SYN3: variants seen among roughly 807,000 people sequenced by gnomAD.
SYN3 encodes synapsin-3.
SYN3 carries 35 observed loss-of-function variants against 65.8 expected under a neutral mutation model. That is an observed-to-expected ratio of 0.53 (90% CI 0.41 to 0.70). The LOEUF (loss-of-function observed/expected upper bound fraction) is 0.70, where lower values mean the gene tolerates loss of function less well. Ranked by LOEUF, SYN3 falls within the 30% of genes least tolerant of loss-of-function variation. SYN3 has a pLI of 0.00. For missense variants in SYN3, 680 were observed against 749.0 expected (o/e 0.91, Z 1.08); for synonymous variants, 270 against 292.9 (o/e 0.92, Z 0.80).
chr22:33,036,618 C>G lies in SYN3; in HGVS notation c.-163+21674G>C, dbSNP rs368576194. On this transcript the variant is annotated intron_variant, in intron 1 of 13. Coordinates refer to ENST00000358763, the MANE Select transcript of SYN3 (RefSeq NM_003490.4). ...TTTGCTGCCCTGGAAATTCAAAATC[C>G]TTTTCTTTGTCTTGTCCCTTGTCTA... Among the ~76,000 whole-genome samples, 12 of 151,008 alleles carry G rather than the reference C, an allele frequency of 7.9e-5. 1 individual carries two copies. The East Asian group carries it at 1.7e-3, about 22-fold the overall frequency.
intron 6 of SYN3, among the ~76,000 whole-genome samples, chr22:32,695,597 T>A (rs755378763): frequency 6.6e-6 from 1 of 152,222 alleles, no homozygotes; most frequent in South Asian, 2.1e-4. Flanking sequence ...TCATGGGTCC[T>A]CTGACTGGCC....
At chr22:32,596,338 G>C (rs1268583771) in intron 7 of SYN3, among the ~76,000 whole-genome samples, 1 of 152,206 alleles carries the variant, frequency 6.6e-6, no homozygotes, top group Non-Finnish European at 1.5e-5. Flanking sequence ...TTACAACATG[G>C]CTGTGGAGAT....
chr22:33,031,763 A>G (rs1348478778), intron 1 of SYN3, among the ~76,000 whole-genome samples: 1 of 152,092 alleles, frequency 6.6e-6, no homozygotes, highest in Non-Finnish European at 1.5e-5. Context: ...TAAGCCCCCA[A>G]GCAACTGGCT....
At chr22:32,593,728 AGAGCCT>A (rs2059158916) in intron 7 of SYN3, among the ~76,000 whole-genome samples, 2 of 152,268 alleles carry the variant, frequency 1.3e-5, no homozygotes, top group South Asian at 4.2e-4. Flanking sequence ...ACTGGATATA[AGAGCCT>A]GATGCTCTGG....
rs371948413 is a variant in SYN3 at position 32,755,711 on chromosome 22, C to A, written c.711+109204G>T. Among the ~76,000 whole-genome samples the A allele has an allele frequency of 1.9e-4, 29 of 152,304 alleles. 1 individual carries two copies. In the South Asian group the frequency reaches 5.8e-3, roughly 30 times the overall value. ...CACTTTGTCATTCTGTTGTGGGCAA[C>A]CTTCATCTACCATGGTGGCCCCAGC... On this transcript the variant is annotated intron_variant, in intron 6 of 13. Coordinates refer to ENST00000358763, the MANE Select transcript of SYN3 (RefSeq NM_003490.4).
At chr22:32,564,295 C>T (rs956346913) in intron 7 of SYN3, among the ~76,000 whole-genome samples, 3 of 152,098 alleles carry the variant, frequency 2.0e-5, no homozygotes, top group East Asian at 1.9e-4. Flanking sequence ...GAAGAGGCCC[C>T]GGGAGGGTTG....
intron 6 of SYN3, among the ~76,000 whole-genome samples, chr22:32,642,861 C>T (rs2059922996): frequency 6.6e-6 from 1 of 151,928 alleles, no homozygotes; most frequent in Admixed American, 6.6e-5. Context: ...TTGGCCCTAT[C>T]CCAAACTTTT....
chr22:32,579,696 T>A (rs771250363), intron 7 of SYN3, among the ~76,000 whole-genome samples: 8 of 152,136 alleles, frequency 5.3e-5, no homozygotes, highest in Non-Finnish European at 8.8e-5. Context: ...CTCAAAGGTG[T>A]CCTTGCCCCA....
chr22:32,896,155 A>T (rs2049588014), intron 4 of SYN3, among the ~76,000 whole-genome samples: 1 of 152,194 alleles, frequency 6.6e-6, no homozygotes, highest in African/African-American at 2.4e-5. Flanking sequence ...ATAATTGAAA[A>T]CAGAATCATT....
rs779360049 is a variant in SYN3, at chr22:32,798,872, T to C, written c.711+66043A>G. ...ACACCTGGCTAATTTTTTGTGTTGTTAGTACAGACGGGGTTTCACCATGTT... is the reference window on the plus strand; with the variant it reads ...ACACCTGGCTAATTTTTTGTGTTGTCAGTACAGACGGGGTTTCACCATGTT... On this transcript the variant is annotated intron_variant, in intron 6 of 13. Transcript: ENST00000358763. 5.2e-4 allele frequency among the ~76,000 whole-genome samples: 79 copies of C among 152,012 alleles called. 1 individual carries two copies. Among genetic ancestry groups the C allele is most frequent in the Non-Finnish European group, 5.6e-4 (38 of 67,950 alleles).
intron 4 of SYN3, among the ~76,000 whole-genome samples, chr22:32,884,792 G>A (rs2049244786): frequency 6.6e-6 from 1 of 152,192 alleles, no homozygotes; most frequent in Admixed American, 6.5e-5. Context: ...CAGGAGAATA[G>A]CTTGAACCAG....
intron 6 of SYN3, among the ~76,000 whole-genome samples, chr22:32,747,244 A>T (rs2044963033): frequency 6.6e-6 from 1 of 152,094 alleles, no homozygotes; most frequent in African/African-American, 2.4e-5. Flanking sequence ...GAAGTCACAC[A>T]GCCAGATTTG....
At chr22:32,550,400 T>A (rs1307361175) in intron 7 of SYN3, among the ~76,000 whole-genome samples, 1 of 151,108 alleles carries the variant, frequency 6.6e-6, no homozygotes, top group Non-Finnish European at 1.5e-5. Context: ...ACAGTAACTA[T>A]ATATCCCTAG....
intron 7 of SYN3, among the ~76,000 whole-genome samples, chr22:32,543,177 C>A (rs1038995465): frequency 1.3e-5 from 2 of 152,190 alleles, no homozygotes; most frequent in African/African-American, 4.8e-5. Flanking sequence ...TTTCCACCAG[C>A]GTTGATGCTT....
At chr22:32,688,131 C>T (rs2060615916) in intron 6 of SYN3, among the ~76,000 whole-genome samples, 5 of 152,292 alleles carry the variant, frequency 3.3e-5, no homozygotes, top group South Asian at 4.1e-4. Flanking sequence ...GCTGAGTAAA[C>T]GCTTACGTCT....
intron 6 of SYN3, among the ~76,000 whole-genome samples, chr22:32,694,499 C>A (rs541770428): frequency 6.6e-6 from 1 of 152,318 alleles, no homozygotes; most frequent in South Asian, 2.1e-4. Context: ...TGGAACAACA[C>A]AGGGTTGAAC....
At chr22:32,542,902 C>T (rs901993459) in intron 7 of SYN3, among the ~76,000 whole-genome samples, 1 of 152,066 alleles carries the variant, frequency 6.6e-6, no homozygotes, top group Non-Finnish European at 1.5e-5. Context: ...CTCCCTCCCA[C>T]TGGCCACGGG....
intron 4 of SYN3, among the ~76,000 whole-genome samples, chr22:32,876,501 A>C (rs1309272576): frequency 1.3e-5 from 2 of 152,050 alleles, no homozygotes; most frequent in Non-Finnish European, 2.9e-5. Context: ...ATTTGTTCGG[A>C]TGGATGTTCA....
Position 32,801,940 on chromosome 22 carries a change from C to T in SYN3, c.711+62975G>A. 2 of 1,528,378 alleles carry T rather than the reference C, an allele frequency of 1.3e-6. No homozygotes were observed. Among genetic ancestry groups the T allele is most frequent in the East Asian group, 2.5e-5 (1 of 39,534 alleles). 94.7% of individuals were successfully genotyped at this position (1,528,378 alleles called of 1,614,324 possible). A position where few individuals can be genotyped will look rare whatever the true frequency, so the allele number is the denominator to read the frequency against. ...GCTCGGGCTGCAGCAGCCCCGCCGG[C>T]GGCGCGCACGGCAACTTTGGAGAGG... On this transcript the variant is annotated intron_variant, in intron 6 of 13. Transcript: ENST00000358763. The surrounding 1 kb of genome is among the most constrained non-coding windows in gnomAD (Gnocchi z 4.7).
Sources: gnomAD v4.1 joint callset for allele counts (sites outside exome capture counted in the v4.1 genomes callset) on GRCh38, gnomAD v4.1.1 for gene constraint, Gnocchi (gnomAD v3.1) non-coding constraint, MANE v1.5 for transcripts, NCBI Gene and HGNC (gene_info 2026-07-23, HGNC 2026-07-21) for gene names.